Variants in PLPPR5 observed in about 807,000 individuals in gnomAD.
PLPPR5 encodes the protein phospholipid phosphatase related 5.
In PLPPR5, 16 loss-of-function variants were observed where a neutral mutation model predicts 33.9. The observed-to-expected ratio is 0.47, with a 90% confidence interval of 0.32 to 0.72. PLPPR5 has a LOEUF of 0.72. Ranked by LOEUF, PLPPR5 falls within the 30% of genes least tolerant of loss-of-function variation. PLPPR5 has a pLI of 0.03. For missense variants in PLPPR5, 301 were observed against 406.7 expected (o/e 0.74, Z 2.23); for synonymous variants, 163 against 150.3 (o/e 1.08, Z -0.62).
chr1:98,921,881 C>A lies in PLPPR5; in HGVS notation c.798+1G>T. 6.2e-7 allele frequency: 1 copy of A among 1,601,210 alleles called. No homozygotes were observed. Among genetic ancestry groups the A allele is most frequent in the Non-Finnish European group, 8.5e-7 (1 of 1,174,884 alleles). ...TGATATATAAATAAATTTGTACTTACCAGAAATACTGCTATAGATATTCCA... is the reference window on the plus strand; with the variant it reads ...TGATATATAAATAAATTTGTACTTAACAGAAATACTGCTATAGATATTCCA... On this transcript the variant is annotated splice_donor_variant, in intron 4 of 5. Coordinates refer to ENST00000263177, the MANE Select transcript of PLPPR5 (RefSeq NM_001037317.2). LOFTEE classifies it high-confidence loss of function.
chr1:98,953,343 T>G (rs1430515872), intron 2 of PLPPR5, 23 bp from the exon 3 acceptor site: 2 of 1,600,970 alleles, frequency 1.2e-6, no homozygotes, highest in Non-Finnish European at 1.7e-6. Context: ...ACAAATAATT[T>G]TAACTTCTTG....
intron 1 of PLPPR5, among the ~76,000 whole-genome samples, chr1:98,971,693 A>T (rs1452535747): frequency 2.0e-5 from 3 of 152,100 alleles, no homozygotes; most frequent in Admixed American, 1.3e-4. Context: ...AGTTAGCATG[A>T]GTGTTGCTGA....
rs1648287223 is a variant in PLPPR5, at chr1:98,891,814, C to T, written c.*1258G>A. On this transcript the variant is annotated 3_prime_UTR_variant, in exon 6 of 6. Coordinates refer to ENST00000263177, the MANE Select transcript of PLPPR5 (RefSeq NM_001037317.2). ...ATTTTTTGAACCATAGGTAGTTGCC[C>T]AGGATTCTACTGAGCTCTGAAAGGC... 1 of 151,880 alleles carries T rather than the reference C, an allele frequency of 6.6e-6. No individual in the cohort carries two copies. The highest frequency in any genetic ancestry group is 6.6e-5 in the Admixed American group (1 of 15,230). 9.4% of individuals were successfully genotyped at this position (151,880 alleles called of 1,614,324 possible).
intron 1 of PLPPR5, among the ~76,000 whole-genome samples, chr1:98,988,523 A>T (rs1328940847): frequency 6.6e-6 from 1 of 151,910 alleles, no homozygotes; most frequent in Admixed American, 6.6e-5. Context: ...TTGGGCTACA[A>T]CTCTCTAAGA....
intron 1 of PLPPR5, among the ~76,000 whole-genome samples, chr1:98,957,904 T>C (rs1651074622): frequency 6.6e-6 from 1 of 152,222 alleles, no homozygotes. Context: ...ATTTGTACCA[T>C]TGGTAGTGAT....
intron 1 of PLPPR5, 101 bp downstream of exon 1, chr1:99,004,334 G>A: frequency 9.6e-7 from 1 of 1,038,556 alleles, no homozygotes; most frequent in East Asian, 2.7e-5. Context: ...GAACTTAGAA[G>A]GCAAAACCTA....
chr1:98,936,962 A>G (rs1650187318), intron 3 of PLPPR5, among the ~76,000 whole-genome samples: 1 of 152,174 alleles, frequency 6.6e-6, no homozygotes, highest in African/African-American at 2.4e-5. Flanking sequence ...CCCGGCTGGC[A>G]TTGTGACAGC....
In PLPPR5 at chr1:98,921,900, T is replaced by C; in HGVS notation, c.780A>G (p.Ile260Met). Residue 260 changes from isoleucine to methionine, a missense_variant, in exon 4 of 6, where the codon ATA (isoleucine) becomes ATG (methionine). Physicochemically the swap from Ile to Met is conservative, Grantham distance 10 (BLOSUM62 1). Coordinates refer to ENST00000263177, the MANE Select transcript of PLPPR5 (RefSeq NM_001037317.2). ...SDVIAGFLVGISIAVFLVVCV... is the reference protein window; with the variant it reads ...SDVIAGFLVGMSIAVFLVVCV... ...TACTTACCAGAAATACTGCTATAGA[T>C]ATTCCAACCAGAAAGCCTGCTATAA... 6 of 1,613,236 alleles carry C rather than the reference T, an allele frequency of 3.7e-6. No individual in the cohort carries two copies. The highest frequency in any genetic ancestry group is 5.1e-6 in the Non-Finnish European group (6 of 1,179,728).
At chr1:98,943,102 T>A (rs989143945) in intron 3 of PLPPR5, among the ~76,000 whole-genome samples, 1 of 152,048 alleles carries the variant, frequency 6.6e-6, no homozygotes, top group South Asian at 2.1e-4. Context: ...GAACATAGCA[T>A]CCCTTAGGGG....
chr1:98,968,669 A>G (rs1651538749), intron 1 of PLPPR5, among the ~76,000 whole-genome samples: 1 of 152,062 alleles, frequency 6.6e-6, no homozygotes, highest in Admixed American at 6.6e-5. Context: ...TGCCTGTATC[A>G]AAATACTTCA....
At chr1:98,959,219 T>C (rs917779064) in intron 1 of PLPPR5, among the ~76,000 whole-genome samples, 1 of 152,166 alleles carries the variant, frequency 6.6e-6, no homozygotes, top group African/African-American at 2.4e-5. Context: ...TCTTTTTAGT[T>C]ACCAGGGTCT....
chr1:98,899,615 A>G (rs1320023943), intron 5 of PLPPR5, among the ~76,000 whole-genome samples: 3 of 151,974 alleles, frequency 2.0e-5, no homozygotes, highest in Admixed American at 2.0e-4. Flanking sequence ...CAATGCATAA[A>G]AGTGTTAAGA....
chr1:98,899,199 TGTCAGAG>T (rs1415556361), intron 5 of PLPPR5, among the ~76,000 whole-genome samples: 29 of 152,164 alleles, frequency 1.9e-4, no homozygotes, highest in Non-Finnish European at 4.4e-5. Flanking sequence ...AGAACCACTG[TGTCAGAG>T]GTTCTGCAGG....
At chr1:98,923,177 C>T (rs1196345629) in intron 3 of PLPPR5, among the ~76,000 whole-genome samples, 2 of 152,096 alleles carry the variant, frequency 1.3e-5, no homozygotes, top group African/African-American at 4.8e-5. Context: ...TTGGTCCTTC[C>T]CCCATCTAAT....
chr1:98,985,238 T>C (rs906330787), intron 1 of PLPPR5, among the ~76,000 whole-genome samples: 1 of 151,946 alleles, frequency 6.6e-6, no homozygotes, highest in African/African-American at 2.4e-5. Flanking sequence ...AATAACTGAG[T>C]TCCTCTGGGA....
At chr1:98,977,176 C>T (rs190024654) in intron 1 of PLPPR5, among the ~76,000 whole-genome samples, 1 of 151,998 alleles carries the variant, frequency 6.6e-6, no homozygotes, top group Admixed American at 6.6e-5. Context: ...CTCCACCAGG[C>T]AACTGGGCAT....
intron 1 of PLPPR5, among the ~76,000 whole-genome samples, chr1:98,957,424 A>G (rs1280568932): frequency 6.6e-6 from 1 of 151,936 alleles, no homozygotes; most frequent in Non-Finnish European, 1.5e-5. Flanking sequence ...AAAAAATAAA[A>G]TATACAAAAG....
At chr1:98,943,318 C>T (rs1320483917) in intron 3 of PLPPR5, among the ~76,000 whole-genome samples, 1 of 152,146 alleles carries the variant, frequency 6.6e-6, no homozygotes, top group Non-Finnish European at 1.5e-5. Flanking sequence ...GTAATGATTT[C>T]CCCAGTCCTT....
intron 3 of PLPPR5, among the ~76,000 whole-genome samples, chr1:98,942,719 A>G (rs996453085): frequency 6.6e-6 from 1 of 152,218 alleles, no homozygotes; most frequent in African/African-American, 2.4e-5. Context: ...AGGAATTAAA[A>G]GGCTCCAGGA....
Sources: allele counts gnomAD v4.1 joint callset (sites outside exome capture counted in the v4.1 genomes callset), GRCh38; gene constraint gnomAD v4.1.1; transcripts MANE v1.5; gene names NCBI Gene and HGNC (gene_info 2026-07-23, HGNC 2026-07-21).